GPC6: variants seen among roughly 807,000 people sequenced by gnomAD.
GPC6 encodes glypican 6.
GPC6 carries 14 observed loss-of-function variants against 55.2 expected under a neutral mutation model. The ratio of observed to expected loss-of-function variants is 0.25; its 90% CI spans 0.17 to 0.40. GPC6 has a LOEUF of 0.40. GPC6 is among the 10% of genes least tolerant of loss of function. GPC6 has a pLI of 1.00. For missense variants in GPC6, 641 were observed against 708.5 expected (o/e 0.90, Z 1.08); for synonymous variants, 278 against 259.6 (o/e 1.07, Z -0.68).
chr13:93,231,411 A>ACG (rs1200209373), intron 1 of GPC6, among the ~76,000 whole-genome samples: 30 of 37,836 alleles, frequency 7.9e-4, no homozygotes, highest in African/African-American at 3.2e-3. Context: ...ATATATATAT[A>ACG]TATATATATA....
chr13:93,566,579 A>G (rs1164284915), intron 2 of GPC6, among the ~76,000 whole-genome samples: 1 of 127,438 alleles, frequency 7.8e-6, no homozygotes, highest in Non-Finnish European at 1.7e-5. Flanking sequence ...TCTTTTTGTT[A>G]TTATACTTTA....
chr13:93,803,466 C>G (rs1886441982), intron 2 of GPC6, among the ~76,000 whole-genome samples: 1 of 152,032 alleles, frequency 6.6e-6, no homozygotes, highest in South Asian at 2.1e-4. Flanking sequence ...AAAATTAAAG[C>G]CCTTATACAT....
At chr13:93,550,813 A>C (rs1875117504) in intron 2 of GPC6, among the ~76,000 whole-genome samples, 2 of 152,140 alleles carry the variant, frequency 1.3e-5, no homozygotes, top group African/African-American at 4.8e-5. Context: ...TGTGATTTCT[A>C]TTTGAAAACA....
intron 6 of GPC6, among the ~76,000 whole-genome samples, chr13:94,331,087 G>A (rs1198929389): frequency 6.6e-6 from 1 of 152,140 alleles, no homozygotes; most frequent in Non-Finnish European, 1.5e-5. Context: ...TTAAGAAACT[G>A]TATGCAGTGA....
intron 3 of GPC6, among the ~76,000 whole-genome samples, chr13:93,864,054 T>G (rs568892924): frequency 6.6e-6 from 1 of 151,828 alleles, no homozygotes; most frequent in Admixed American, 6.6e-5. Flanking sequence ...GGGCTCAATT[T>G]AATGAGTAAA....
At chr13:94,333,435 A>G (rs1877526658) in intron 6 of GPC6, among the ~76,000 whole-genome samples, 1 of 152,174 alleles carries the variant, frequency 6.6e-6, no homozygotes, top group Admixed American at 6.5e-5. Context: ...CCTCTTGTCA[A>G]ACTAAGATAA....
intron 7 of GPC6, among the ~76,000 whole-genome samples, chr13:94,393,803 C>A (rs1035951026): frequency 1.3e-5 from 2 of 152,142 alleles, no homozygotes; most frequent in African/African-American, 4.8e-5. Context: ...TGACCTACTC[C>A]CCCAATATGC....
chr13:94,381,452 C>T (rs1387458653), intron 6 of GPC6, among the ~76,000 whole-genome samples: 1 of 152,078 alleles, frequency 6.6e-6, no homozygotes, highest in Non-Finnish European at 1.5e-5. Context: ...TATTTTCTTT[C>T]CTCTGTGTGT....
chr13:93,681,627 A>G (rs1881848850), intron 2 of GPC6, among the ~76,000 whole-genome samples: 3 of 152,194 alleles, frequency 2.0e-5, no homozygotes, highest in African/African-American at 7.2e-5. Context: ...TCTGAAATCG[A>G]TCAAAAATTG....
chr13:93,576,020 T>G (rs2139481567), intron 2 of GPC6, among the ~76,000 whole-genome samples: 1 of 152,292 alleles, frequency 6.6e-6, no homozygotes, highest in East Asian at 1.9e-4. Context: ...CTTTCTTAAT[T>G]ATTATTATTT....
intron 6 of GPC6, among the ~76,000 whole-genome samples, chr13:94,345,180 G>A (rs938964594): frequency 7.2e-5 from 11 of 152,018 alleles, no homozygotes; most frequent in African/African-American, 2.2e-4. Flanking sequence ...GCACTTAGTC[G>A]AATTATTTCA....
intron 4 of GPC6, among the ~76,000 whole-genome samples, chr13:94,274,088 TTA>T (rs1892127885): frequency 6.6e-6 from 1 of 152,214 alleles, no homozygotes; most frequent in African/African-American, 2.4e-5. Context: ...CATGAATATA[TTA>T]TGTTTTTATG....
intron 3 of GPC6, among the ~76,000 whole-genome samples, chr13:93,846,166 G>A (rs978068508): frequency 6.6e-6 from 1 of 151,968 alleles, no homozygotes; most frequent in East Asian, 1.9e-4. Context: ...GCAAGCACAG[G>A]CTTAGAATTG....
At chr13:93,541,952 AT>A (rs953113282) in intron 1 of GPC6, among the ~76,000 whole-genome samples, 8 of 151,708 alleles carry the variant, frequency 5.3e-5, no homozygotes, top group African/African-American at 1.9e-4. Context: ...GGTTGCGAAA[AT>A]TTTTTCCCAT....
chr13:93,308,918 A>G (rs1292116393), intron 1 of GPC6, among the ~76,000 whole-genome samples: 1 of 152,196 alleles, frequency 6.6e-6, no homozygotes, highest in African/African-American at 2.4e-5. Context: ...ATAATTGAAT[A>G]ATTTATCCTC....
chr13:93,351,348 A>AT (rs1880621467), intron 1 of GPC6, among the ~76,000 whole-genome samples: 2 of 152,116 alleles, frequency 1.3e-5, no homozygotes, highest in Non-Finnish European at 2.9e-5. Flanking sequence ...TTTTGGAAAC[A>AT]TTTTGCTACC....
At chr13:94,122,534 A>G (rs1223420249) in intron 4 of GPC6, among the ~76,000 whole-genome samples, 3 of 152,100 alleles carry the variant, frequency 2.0e-5, no homozygotes, top group Non-Finnish European at 4.4e-5. Flanking sequence ...CAACTTTCCT[A>G]TTTGATCTGA....
intron 3 of GPC6, among the ~76,000 whole-genome samples, chr13:94,024,067 A>T (rs1882801971): frequency 6.6e-6 from 1 of 151,416 alleles, no homozygotes; most frequent in African/African-American, 2.4e-5. Flanking sequence ...TCCACAAATG[A>T]ATACATGAAA....
chr13:93,832,122 AATATATATATAT>A (rs71126419), intron 3 of GPC6, among the ~76,000 whole-genome samples: 15 of 12,048 alleles, frequency 1.2e-3, no homozygotes, highest in African/African-American at 6.2e-3. Context: ...AAAAAAAAAA[AATATATATATAT>A]ATATATATAT....
Sources: allele counts gnomAD v4.1 joint callset (sites outside exome capture counted in the v4.1 genomes callset), GRCh38; gene constraint gnomAD v4.1.1; transcripts MANE v1.5; gene names NCBI Gene and HGNC (gene_info 2026-07-23, HGNC 2026-07-21).